PRAG1: variants seen among roughly 807,000 people sequenced by gnomAD.
PRAG1 encodes PEAK1 related, kinase-activating pseudokinase 1, also known as inactive tyrosine-protein kinase PRAG1.
PRAG1 carries 110 observed loss-of-function variants against 95.6 expected under a neutral mutation model. That is an observed-to-expected ratio of 1.15 (90% CI 0.99 to 1.35). PRAG1 has a LOEUF of 1.35. Among genes scored for constraint, PRAG1 ranks in the 40% most tolerant of loss-of-function variants. The pLI is 0.00. For synonymous variants in PRAG1, 1,052 were observed against 819.4 expected, an observed-to-expected ratio of 1.28 and a Z score of -4.85; for missense variants, 2,554 against 1,864.7, an observed-to-expected ratio of 1.37 and a Z score of -6.81.
rs561290194 is a variant in PRAG1 at position 8,376,967 on chromosome 8, G to C, written c.1442C>G (p.Pro481Arg). The part of the protein sequence containing the change: ...SATITVMAAH[P>R]EEDHRTIYLS... ...GTAGATCGTCCGATGGTCCTCTTCC[G>C]GGTGGGCCGCCATGACTGTGATGGT... is the stretch of plus-strand genomic sequence containing the variant. The change falls in exon 3 of 6, where the codon CCG (proline) becomes CGG (arginine). Residue 481 changes from proline (P) to arginine (R), a missense_variant. Transcript: ENST00000615670. 1 of 1,613,524 alleles carries C rather than the reference G, an allele frequency of 6.2e-7. No homozygotes were observed. Among genetic ancestry groups the C allele is most frequent in the Admixed American group, 1.7e-5 (1 of 60,024 alleles).
Position 8,327,769 on chromosome 8 carries a change from C to T in PRAG1, c.3013G>A (p.Asp1005Asn), listed in dbSNP as rs1798677207. Reference sequence around the variant, plus strand: ...CAGGTGGCACAGTAATAAATGGCATCCCCCGAGTCACAGCAGGGCTTGTTA... The same window carrying T: ...CAGGTGGCACAGTAATAAATGGCATTCCCCGAGTCACAGCAGGGCTTGTTA... Reference protein sequence around the residue: ...TCNKPCCDSGDAIYYCATCSE... With the variant: ...TCNKPCCDSGNAIYYCATCSE... Residue 1005 changes from aspartate to asparagine, a missense_variant, in exon 5 of 6, where the codon GAT (aspartate) becomes AAT (asparagine). Physicochemically the swap from Asp to Asn is conservative, Grantham distance 23. Transcript: ENST00000615670. 1 of 1,614,190 alleles carries T rather than the reference C, an allele frequency of 6.2e-7. No individual in the cohort carries two copies. The highest frequency in any genetic ancestry group is 8.5e-7 in the Non-Finnish European group (1 of 1,180,030).
intron 1 of PRAG1, among the ~76,000 whole-genome samples, chr8:8,384,507 G>A (rs1194261244): frequency 2.1e-5 from 3 of 141,036 alleles, no homozygotes; most frequent in African/African-American, 8.0e-5. Context: ...AATAAGAAAA[G>A]AACAAATGAA....
At chr8:8,375,443 G>C (rs1301298357) in intron 3 of PRAG1, among the ~76,000 whole-genome samples, 1 of 151,904 alleles carries the variant, frequency 6.6e-6, no homozygotes, top group Non-Finnish European at 1.5e-5. Flanking sequence ...ATCGTGATCC[G>C]CCCGCCTCGG....
intron 3 of PRAG1, among the ~76,000 whole-genome samples, chr8:8,367,690 G>A (rs1313278280): frequency 6.6e-6 from 1 of 151,778 alleles, no homozygotes; most frequent in Admixed American, 6.6e-5. Context: ...CACCCAGGCT[G>A]GAGTGCAGTG....
chr8:8,319,171 C>T lies in PRAG1; in HGVS notation c.3204G>A (p.Ala1068=), dbSNP rs750721737. 3 of 1,602,868 alleles carry T rather than the reference C, an allele frequency of 1.9e-6. No individual in the cohort carries two copies. Among genetic ancestry groups the T allele is most frequent in the South Asian group, 1.1e-5 (1 of 90,136 alleles). ...GCAGGGCAGGCACAGGGTCCTTGGG[C>T]GCGTCGGGGGAGCTGAGCATGCTGG... ...VPSSMLSSPD[A]PKDPVPALPT... Residue 1068 remains alanine, a synonymous_variant, in exon 6 of 6, where the codon GCG becomes GCA. Coordinates refer to ENST00000615670, the MANE Select transcript of PRAG1 (RefSeq NM_001080826.3).
rs1416321585 is a variant in PRAG1, at chr8:8,377,713, C to T, written c.696G>A (p.Leu232=). ...TTTGATCACTGTCATCCTCCGAGGG[C>T]AGGGATTCCCGCAGGGGCCCAGGGC... The part of the protein sequence containing the change: ...HQGPGPLRES[L]PSEDDSDQRC... Residue 232 remains leucine, a synonymous_variant, in exon 3 of 6, where the codon CTG becomes CTA. Transcript: ENST00000615670. 2 of 1,613,882 alleles carry T rather than the reference C, an allele frequency of 1.2e-6. No homozygotes were observed. Among genetic ancestry groups the T allele is most frequent in the East Asian group, 2.2e-5 (1 of 44,864 alleles).
In PRAG1 at chr8:8,318,604, T is replaced by A; in HGVS notation, c.3771A>T (p.Thr1257=). 1 of 1,612,864 alleles carries A rather than the reference T, an allele frequency of 6.2e-7. No homozygotes were observed. Residue 1257 remains threonine, a synonymous_variant, in exon 6 of 6, where the codon ACA becomes ACT. Coordinates refer to ENST00000615670, the MANE Select transcript of PRAG1 (RefSeq NM_001080826.3). The surrounding 1 kb of genome is among the most constrained non-coding windows in gnomAD (Gnocchi z 4.2). ...SQYRKFDEFQ[T]GILIYELLHQ... Reference sequence around the variant, plus strand: ...GCAGCAGCTCGTAGATGAGGATGCCTGTCTGGAACTCATCGAACTTGCGGT... The same window carrying A: ...GCAGCAGCTCGTAGATGAGGATGCCAGTCTGGAACTCATCGAACTTGCGGT...
rs551977060 is a variant in PRAG1, at chr8:8,354,117, C to T, written c.2163-14482G>A. Among the ~76,000 whole-genome samples, 4 of 151,730 alleles carry T rather than the reference C, an allele frequency of 2.6e-5. No individual in the cohort carries two copies. The East Asian group carries it at 5.8e-4, about 22-fold the overall frequency. ...AGTGGGGACATTGTAACAGATGTCT[C>T]AGAAATAAAAATGATCATAAGGGAC... On this transcript the variant is annotated intron_variant, in intron 3 of 5. Coordinates refer to ENST00000615670, the MANE Select transcript of PRAG1 (RefSeq NM_001080826.3).
At chr8:8,343,111 C>A (rs1255043073) in intron 3 of PRAG1, among the ~76,000 whole-genome samples, 2 of 152,054 alleles carry the variant, frequency 1.3e-5, no homozygotes, top group East Asian at 1.9e-4. Flanking sequence ...AGGCAACTCA[C>A]AAATGAAACA....
chr8:8,326,228 T>G (rs934522997), intron 5 of PRAG1, among the ~76,000 whole-genome samples: 2 of 148,048 alleles, frequency 1.4e-5, no homozygotes, highest in Non-Finnish European at 3.0e-5. Flanking sequence ...CTACTATATA[T>G]TATTTATATA....
intron 3 of PRAG1, among the ~76,000 whole-genome samples, chr8:8,353,747 C>T (rs369745766): frequency 3.3e-5 from 5 of 151,898 alleles, no homozygotes; most frequent in Non-Finnish European, 5.9e-5. Context: ...TTTGAGTCTG[C>T]GGTAAGCTAT....
At position 8,319,155 on chromosome 8, in the gene PRAG1, G is replaced by C; in HGVS notation, c.3220C>G (p.Pro1074Ala). The change falls in exon 6 of 6, where the codon CCT becomes GCT. Residue 1074 changes from proline (P) to alanine (A), a missense_variant. Coordinates refer to ENST00000615670, the MANE Select transcript of PRAG1 (RefSeq NM_001080826.3). ...SSPDAPKDPVPALPTHPPAQE... is the reference protein window; with the variant it reads ...SSPDAPKDPVAALPTHPPAQE... Reference sequence around the variant, plus strand: ...GCAGGGGGGTGTGTGGGCAGGGCAGGCACAGGGTCCTTGGGCGCGTCGGGG... The same window carrying C: ...GCAGGGGGGTGTGTGGGCAGGGCAGCCACAGGGTCCTTGGGCGCGTCGGGG... The C allele has an allele frequency of 1.2e-6, 2 of 1,605,420 alleles. No homozygotes were observed. The highest frequency in any genetic ancestry group is 2.7e-5 in the African/African-American group (2 of 74,912).
chr8:8,352,878 A>G (rs1233753542), intron 3 of PRAG1, among the ~76,000 whole-genome samples: 2 of 152,218 alleles, frequency 1.3e-5, no homozygotes, highest in African/African-American at 4.8e-5. Flanking sequence ...GGAAGAAGAT[A>G]TTCCATGCAA....
chr8:8,324,645 T>A (rs1798578030), intron 5 of PRAG1, among the ~76,000 whole-genome samples: 2 of 152,128 alleles, frequency 1.3e-5, no homozygotes, highest in Non-Finnish European at 2.9e-5. Context: ...GAACTTTACA[T>A]AGACTCTTGG....
chr8:8,333,658 C>T (rs983583416), intron 4 of PRAG1, among the ~76,000 whole-genome samples: 5 of 152,198 alleles, frequency 3.3e-5, no homozygotes, highest in African/African-American at 1.2e-4. Flanking sequence ...AAAATGAGAG[C>T]TGAGCTGACA....
chr8:8,319,060 C>T lies in PRAG1; in HGVS notation c.3315G>A (p.Arg1105=). ...VPHQTASDFV[R]DSAASHQAEP... ...CCGCCTGGTGGCTGGCCGCCGAGTC[C>T]CGCACGAAGTCGGAGGCGGTCTGAT... Residue 1105 remains arginine, a synonymous_variant, in exon 6 of 6, where the codon CGG becomes CGA. Transcript: ENST00000615670. The T allele has an allele frequency of 6.2e-7, 1 of 1,612,348 alleles. No homozygotes were observed. Among genetic ancestry groups the T allele is most frequent in the Non-Finnish European group, 8.5e-7 (1 of 1,179,792 alleles).
At chr8:8,338,930 A>G (rs1446026667) in intron 4 of PRAG1, among the ~76,000 whole-genome samples, 6 of 152,198 alleles carry the variant, frequency 3.9e-5, no homozygotes, top group Admixed American at 3.9e-4. Context: ...CTTTTTAGGG[A>G]CATGCCCAGT....
chr8:8,372,688 T>A (rs1034253838), intron 3 of PRAG1, among the ~76,000 whole-genome samples: 1 of 152,220 alleles, frequency 6.6e-6, no homozygotes, highest in Non-Finnish European at 1.5e-5. Flanking sequence ...GGAACACGAA[T>A]GGGAGTTTAC....
chr8:8,366,169 C>T (rs927901572), intron 3 of PRAG1, among the ~76,000 whole-genome samples: 12 of 152,010 alleles, frequency 7.9e-5, no homozygotes, highest in African/African-American at 1.9e-4. Context: ...ATTCATGGGA[C>T]GTTCATAATC....
Sources: allele counts gnomAD v4.1 joint callset (sites outside exome capture counted in the v4.1 genomes callset), GRCh38; gene constraint gnomAD v4.1.1; non-coding constraint Gnocchi (gnomAD v3.1); transcripts MANE v1.5; gene names NCBI Gene and HGNC (gene_info 2026-07-23, HGNC 2026-07-21).